Variants in MEDAG observed in about 807,000 individuals in gnomAD.
MEDAG encodes the protein mesenteric estrogen dependent adipogenesis, also known as mesenteric estrogen-dependent adipogenesis protein.
Under a neutral mutation model 29.9 loss-of-function variants are expected in MEDAG, and 25 were observed. The observed-to-expected ratio is 0.84, with a 90% confidence interval of 0.61 to 1.17. The LOEUF (loss-of-function observed/expected upper bound fraction) is 1.17, where lower values mean the gene tolerates loss of function less well. MEDAG is among the 50% of genes most tolerant of loss of function. The pLI, the probability that MEDAG is intolerant of heterozygous loss-of-function variation, is 0.00. For synonymous variants in MEDAG, 158 were observed against 148.2 expected, an observed-to-expected ratio of 1.07 and a Z score of -0.48; for missense variants, 398 against 372.9, an observed-to-expected ratio of 1.07 and a Z score of -0.56.
At position 30,906,582 on chromosome 13, in the gene MEDAG, C is replaced by T; in HGVS notation, c.67C>T (p.Arg23Cys). 6.3e-7 allele frequency: 1 copy of T among 1,585,094 alleles called. No homozygotes were observed. The highest frequency in any genetic ancestry group is 8.5e-7 in the Non-Finnish European group (1 of 1,174,640). The change falls in exon 1 of 5, where the codon CGC becomes TGC. Residue 23 changes from arginine (R) to cysteine (C), a missense_variant. Arg to Cys is a radical substitution (Grantham distance 180). Coordinates refer to ENST00000380482, the MANE Select transcript of MEDAG (RefSeq NM_032849.4). Reference protein sequence around the residue: ...SLTSISSGELRSLWTCDCELA... With the variant: ...SLTSISSGELCSLWTCDCELA... ...GACCTCCATCTCGTCTGGGGAGCTT[C>T]GCAGCCTGTGGACCTGCGACTGCGA...
At chr13:30,923,104 A>G (rs1003687438) in intron 4 of MEDAG, among the ~76,000 whole-genome samples, 2 of 151,950 alleles carry the variant, frequency 1.3e-5, no homozygotes, top group African/African-American at 4.8e-5. Context: ...TGGTTTTAGT[A>G]GAGACGGGTT....
At position 30,906,771 on chromosome 13, in the gene MEDAG, C is replaced by A; in HGVS notation, c.256C>A (p.Arg86Ser). ...CGTGCGCCTCGACGGGCAGCTCTACCGCCTCAGCAGCTACATCAAGAGGTG... is the reference window on the plus strand; with the variant it reads ...CGTGCGCCTCGACGGGCAGCTCTACAGCCTCAGCAGCTACATCAAGAGGTG... Reference protein sequence around the residue: ...GLVRLDGQLYRLSSYIKRYVE... With the variant: ...GLVRLDGQLYSLSSYIKRYVE... Residue 86 changes from arginine (R) to serine (S), a missense_variant, in exon 1 of 5, where the codon CGC (arginine) becomes AGC (serine). By Grantham distance (110) the Arg-to-Ser change is moderately radical. Transcript: ENST00000380482. 1.3e-6 allele frequency: 2 copies of A among 1,510,506 alleles called. No individual in the cohort carries two copies. Among genetic ancestry groups the A allele is most frequent in the East Asian group, 2.5e-5 (1 of 39,484 alleles). The allele number at this position is 1,510,506 out of a possible 1,614,324, so 93.6% of individuals were successfully genotyped here. A position where few individuals can be genotyped will look rare whatever the true frequency, so the allele number is the denominator to read the frequency against.
At chr13:30,915,286 C>T (rs1566126841) in intron 1 of MEDAG, among the ~76,000 whole-genome samples, 1 of 152,106 alleles carries the variant, frequency 6.6e-6, no homozygotes, top group Non-Finnish European at 1.5e-5. Flanking sequence ...GCAATATTTG[C>T]ATAGTAATTC....
intron 2 of MEDAG, among the ~76,000 whole-genome samples, chr13:30,920,692 A>C (rs2138126896): frequency 6.6e-6 from 1 of 152,272 alleles, no homozygotes; most frequent in East Asian, 1.9e-4. Flanking sequence ...CATGCTGTGG[A>C]GGCACAGTTC....
intron 1 of MEDAG, among the ~76,000 whole-genome samples, chr13:30,910,700 C>T (rs540983910): frequency 2.0e-5 from 3 of 152,352 alleles, no homozygotes; most frequent in Admixed American, 2.0e-4. Context: ...AAAAGCAGAG[C>T]TGTGACCTGC....
rs750765307 is a variant in MEDAG at position 30,906,727 on chromosome 13, A to G, written c.212A>G (p.Asn71Ser). ...CCGGCGGCGGCGCGGGGGGGCTTCA[A>G]CGTCTTCGGTGACGGCCTCGTGCGC... ...GEPAAARGGFNVFGDGLVRLD... is the reference protein window; with the variant it reads ...GEPAAARGGFSVFGDGLVRLD... The change falls in exon 1 of 5, where the codon AAC becomes AGC. Residue 71 changes from asparagine to serine, a missense_variant. Physicochemically the swap from Asn to Ser is conservative, Grantham distance 46 (BLOSUM62 1). Transcript: ENST00000380482. The G allele has an allele frequency of 5.7e-5, 86 of 1,516,764 alleles. No individual in the cohort carries two copies. Among genetic ancestry groups the G allele is most frequent in the Middle Eastern group, 1.9e-4 (1 of 5,384 alleles). 94.0% of individuals were successfully genotyped at this position (1,516,764 alleles called of 1,614,324 possible).
chr13:30,910,232 A>G (rs548851844), intron 1 of MEDAG, among the ~76,000 whole-genome samples: 1 of 148,742 alleles, frequency 6.7e-6, no homozygotes, highest in African/African-American at 2.5e-5. Context: ...TTTTTCCTAT[A>G]AAGCAGCCTC....
At chr13:30,914,496 T>C (rs74813119) in intron 1 of MEDAG, among the ~76,000 whole-genome samples, 2,875 of 152,332 alleles carry the variant, frequency 0.019, 97 homozygotes, top group African/African-American at 0.066. Flanking sequence ...CCCTGAATCA[T>C]CAAAGGCAGA....
chr13:30,907,065 C>G (rs1384455559), intron 1 of MEDAG, among the ~76,000 whole-genome samples: 2 of 152,158 alleles, frequency 1.3e-5, no homozygotes, highest in African/African-American at 4.8e-5. Context: ...AGGGCAGGGG[C>G]CCCCCAGCCA....
At chr13:30,922,037 C>G in intron 4 of MEDAG, 191 bp downstream of exon 4, 1 of 566,192 alleles carries the variant, frequency 1.8e-6, no homozygotes, top group South Asian at 2.6e-5. Context: ...TCCTTTTGAG[C>G]TCCTTTAAGT....
chr13:30,921,810 A>G lies in MEDAG; in HGVS notation c.751A>G (p.Ser251Gly), dbSNP rs1329217501. ...GAGTGAGCCTTTAATCCGAAGGAGC[A>G]GTTTCTCTGACCGAAAGTTCAGTGT... The part of the protein sequence containing the change: ...KMSEPLIRRS[S>G]FSDRKFSVTS... The change falls in exon 4 of 5, where the codon AGT (serine) becomes GGT (glycine). Residue 251 changes from serine (S) to glycine (G), a missense_variant. Transcript: ENST00000380482. 4.3e-6 allele frequency: 7 copies of G among 1,610,600 alleles called. No homozygotes were observed. Among genetic ancestry groups the G allele is most frequent in the Non-Finnish European group, 5.9e-6 (7 of 1,178,906 alleles).
chr13:30,912,493 A>AT (rs1406419018), intron 1 of MEDAG, among the ~76,000 whole-genome samples: 3 of 151,420 alleles, frequency 2.0e-5, no homozygotes, highest in Non-Finnish European at 2.9e-5. Flanking sequence ...AACTGTCCAT[A>AT]TTTTTTTTAA....
intron 2 of MEDAG, 97 bp from the exon 3 acceptor site, chr13:30,920,917 T>C: frequency 1.1e-6 from 1 of 904,538 alleles, no homozygotes; most frequent in Non-Finnish European, 1.8e-6. Context: ...AATAAAATCT[T>C]CAAAGGAGGT....
chr13:30,916,398 C>G (rs1435812510), intron 1 of MEDAG: 2 of 152,236 alleles, frequency 1.3e-5, no homozygotes, highest in African/African-American at 4.8e-5. Context: ...TTGGAGCTGT[C>G]TCTGCTGATG....
Position 30,924,492 on chromosome 13 carries a change from G to T in MEDAG, c.*57G>T. The T allele has an allele frequency of 1.3e-6, 2 of 1,543,202 alleles. No individual in the cohort carries two copies. Among genetic ancestry groups the T allele is most frequent in the Non-Finnish European group, 1.8e-6 (2 of 1,141,280 alleles). The stretch of plus-strand genomic sequence containing the variant: ...ACTCCAGGCCTGTGCTAGACTATAG[G>T]CTGGGGGGAGGGTAGGAGGTGGGAG... On this transcript the variant is annotated 3_prime_UTR_variant, in exon 5 of 5. Transcript: ENST00000380482.
chr13:30,906,944 C>A (rs1952837061), intron 1 of MEDAG, 151 bp downstream of exon 1: 2 of 818,294 alleles, frequency 2.4e-6, no homozygotes, highest in Non-Finnish European at 3.5e-6. Context: ...CCTTCTGCTT[C>A]TATCACCCGG....
chr13:30,911,293 C>G (rs759353405), intron 1 of MEDAG, among the ~76,000 whole-genome samples: 9 of 152,152 alleles, frequency 5.9e-5, no homozygotes, highest in Admixed American at 1.3e-4. Context: ...GCTGAGGTCA[C>G]AGAGACAGAA....
chr13:30,914,879 A>G lies in MEDAG; in HGVS notation c.279-2524A>G, dbSNP rs536744030. Among the ~76,000 whole-genome samples the G allele has an allele frequency of 2.3e-4, 35 of 152,370 alleles. 2 individuals carry two copies. In the South Asian group the frequency reaches 6.4e-3, roughly 28 times the overall value. ...TCTGGGTGCATTGTACACAAATGCC[A>G]TGCGCTTTCCATTAAGAATGACAAT... On this transcript the variant is annotated intron_variant, in intron 1 of 4. Coordinates refer to ENST00000380482, the MANE Select transcript of MEDAG (RefSeq NM_032849.4).
chr13:30,906,686 G>T lies in MEDAG; in HGVS notation c.171G>T (p.Val57=). ...AFQLSGDQLV[V]ARPGEPAAAR... The stretch of plus-strand genomic sequence containing the variant: ...AGCTGAGCGGCGACCAGCTCGTGGT[G>T]GCCAGGCCCGGGGAGCCGGCGGCGG... The change falls in exon 1 of 5, where the codon GTG becomes GTT. Residue 57 remains valine (V), a synonymous_variant. Transcript: ENST00000380482. 1.3e-6 allele frequency: 2 copies of T among 1,542,578 alleles called. No homozygotes were observed. The highest frequency in any genetic ancestry group is 1.2e-5 in the South Asian group (1 of 84,170).
Sources: allele counts gnomAD v4.1 joint callset (sites outside exome capture counted in the v4.1 genomes callset), GRCh38; gene constraint gnomAD v4.1.1; transcripts MANE v1.5; gene names NCBI Gene and HGNC (gene_info 2026-07-23, HGNC 2026-07-21).